KCNQ1: variants seen among roughly 807,000 people sequenced by gnomAD.
The protein encoded by KCNQ1 is potassium voltage-gated channel subfamily KQT member 1.
A neutral mutation model predicts 72.4 loss-of-function variants in KCNQ1; 49 were observed. The ratio of observed to expected loss-of-function variants is 0.68; its 90% CI spans 0.54 to 0.86. KCNQ1 has a LOEUF of 0.86. KCNQ1 is among the 40% of genes least tolerant of loss of function. KCNQ1 has a pLI of 0.00. For synonymous variants in KCNQ1, 450 were observed against 412.6 expected, an observed-to-expected ratio of 1.09 and a Z score of -1.10; for missense variants, 790 against 945.1, an observed-to-expected ratio of 0.84 and a Z score of 2.15.
chr11:2,621,878 C>G lies in KCNQ1; in HGVS notation c.1393+33024C>G. 1 of 398,244 alleles carries G rather than the reference C, an allele frequency of 2.5e-6. No individual in the cohort carries two copies. The highest frequency in any genetic ancestry group is 4.4e-6 in the Non-Finnish European group (1 of 225,904). 24.7% of individuals were successfully genotyped at this position (398,244 alleles called of 1,614,324 possible). A position where few individuals can be genotyped will look rare whatever the true frequency, so the allele number is the denominator to read the frequency against. The stretch of plus-strand genomic sequence containing the variant: ...TATGGTTTTTCTTTCTAACTTGTCT[C>G]TGTTCTGATCTTTATTATTTCCTTC... On this transcript the variant is annotated intron_variant, in intron 10 of 15. Transcript: ENST00000155840. The surrounding 1 kb of genome is among the most constrained non-coding windows in gnomAD (Gnocchi z 5.7).
chr11:2,610,988 G>A (rs1470932902), intron 10 of KCNQ1: 1 of 398,238 alleles, frequency 2.5e-6, no homozygotes, highest in Non-Finnish European at 4.4e-6. Flanking sequence ...TACTATTATT[G>A]TTGAGTTGTC....
At chr11:2,572,728 C>A in intron 5 of KCNQ1, 118 bp from the exon 6 acceptor site, 1 of 1,343,758 alleles carries the variant, frequency 7.4e-7, no homozygotes, top group Non-Finnish European at 1.0e-6. Flanking sequence ...GCATGTGAAC[C>A]GCGCTGGAGC....
rs1396750685 is a variant in KCNQ1, at chr11:2,447,347, T to C, written c.386+1863T>C. On this transcript the variant is annotated intron_variant, in intron 1 of 15. Coordinates refer to ENST00000155840, the MANE Select transcript of KCNQ1 (RefSeq NM_000218.3). This position sits in a 1 kb window ranked among gnomAD's most constrained non-coding sequence, Gnocchi z 7.6. ...CCAGGAAAGGGATGCTTCTGTGAAG[T>C]GGCCAGATCTGGGGCTGGTCCTTTC... Among the ~76,000 whole-genome samples, 2 of 152,054 alleles carry C rather than the reference T, an allele frequency of 1.3e-5. No homozygotes were observed. The highest frequency in any genetic ancestry group is 2.9e-5 in the Non-Finnish European group (2 of 67,990).
Position 2,549,736 on chromosome 11 carries a change from C to CT in KCNQ1, c.478-20891dup, listed in dbSNP as rs141743389. On this transcript the variant is annotated intron_variant, in intron 2 of 15. Coordinates refer to ENST00000155840, the MANE Select transcript of KCNQ1 (RefSeq NM_000218.3). This position sits in a 1 kb window ranked among gnomAD's most constrained non-coding sequence, Gnocchi z 6.2. ...CTCCCCAGGCCTGGTGTGGGGGTGC[C>CT]TGGGGGGCAGTGGACGTGAGCAGCA... 2.6e-3 allele frequency among the ~76,000 whole-genome samples: 397 copies of CT among 152,150 alleles called. 2 individuals carry two copies. The highest frequency in any genetic ancestry group is 4.0e-3 in the Non-Finnish European group (270 of 67,948).
At chr11:2,576,821 C>T in intron 6 of KCNQ1, among the ~76,000 whole-genome samples, 1 of 152,246 alleles carries the variant, frequency 6.6e-6, no homozygotes, top group Non-Finnish European at 1.5e-5. Context: ...GCTGGGGAAG[C>T]CAAGGCGCCG....
rs998780945 is a variant in KCNQ1, at chr11:2,817,364, C to T, written c.1795-30403C>T. Among the ~76,000 whole-genome samples the T allele has an allele frequency of 2.6e-5, 4 of 152,104 alleles. No individual in the cohort carries two copies. The highest frequency in any genetic ancestry group is 9.7e-5 in the African/African-American group (4 of 41,404). On this transcript the variant is annotated intron_variant, in intron 15 of 15. Transcript: ENST00000155840. The surrounding 1 kb of genome is among the most constrained non-coding windows in gnomAD (Gnocchi z 6.1). ...AGCGCTACCTTGAACCCCTGTTGCA[C>T]CCCAGGAGGAGAATCACACCAGTGC...
Position 2,658,966 on chromosome 11 carries a change from A to G in KCNQ1, c.1394-2995A>G. 2 of 398,562 alleles carry G rather than the reference A, an allele frequency of 5.0e-6. No homozygotes were observed. The highest frequency in any genetic ancestry group is 2.5e-4 in the South Asian group (2 of 7,854). The allele number at this position is 398,562 out of a possible 1,614,324, so 24.7% of individuals were successfully genotyped here. A position where few individuals can be genotyped will look rare whatever the true frequency, so the allele number is the denominator to read the frequency against. On this transcript the variant is annotated intron_variant, in intron 10 of 15. Coordinates refer to ENST00000155840, the MANE Select transcript of KCNQ1 (RefSeq NM_000218.3). The surrounding 1 kb of genome is among the most constrained non-coding windows in gnomAD (Gnocchi z 4.9). ...TTTAGGACAGACTTTTGCTTTAACC[A>G]TAGAGTGTCCAGTCAAAACAGTGTT...
rs1162224078 is a variant in KCNQ1, at chr11:2,830,833, G to A, written c.1795-16934G>A. On this transcript the variant is annotated intron_variant, in intron 15 of 15. Transcript: ENST00000155840. This position sits in a 1 kb window ranked among gnomAD's most constrained non-coding sequence, Gnocchi z 7.7. ...CCTCTCCCCATCATCAGGTAACCCA[G>A]CACAGGCTGGCCCAACCCCTCTCTA... Among the ~76,000 whole-genome samples the A allele has an allele frequency of 6.6e-6, 1 of 152,192 alleles. No homozygotes were observed. The highest frequency in any genetic ancestry group is 1.5e-5 in the Non-Finnish European group (1 of 68,018).
Position 2,565,462 on chromosome 11 carries a change from A to C in KCNQ1, c.478-5166A>C, listed in dbSNP as rs893674296. 1.3e-5 allele frequency among the ~76,000 whole-genome samples: 2 copies of C among 152,188 alleles called. No homozygotes were observed. Among genetic ancestry groups the C allele is most frequent in the Admixed American group, 1.3e-4 (2 of 15,284 alleles). Reference sequence around the variant, plus strand: ...CCAAGCCCTTTGCCTATTTTTTAAAAATTGAGTTGTTAGGAACTTTGGTTT... The same window carrying C: ...CCAAGCCCTTTGCCTATTTTTTAAACATTGAGTTGTTAGGAACTTTGGTTT... On this transcript the variant is annotated intron_variant, in intron 2 of 15. Transcript: ENST00000155840. This position sits in a 1 kb window ranked among gnomAD's most constrained non-coding sequence, Gnocchi z 5.6.
rs1411817582 is a variant in KCNQ1, at chr11:2,620,823, C to G, written c.1393+31969C>G. 2.5e-6 allele frequency: 1 copy of G among 398,474 alleles called. No homozygotes were observed. The highest frequency in any genetic ancestry group is 4.4e-5 in the Admixed American group (1 of 22,704). 24.7% of individuals were successfully genotyped at this position (398,474 alleles called of 1,614,324 possible). A position where few individuals can be genotyped will look rare whatever the true frequency, so the allele number is the denominator to read the frequency against. On this transcript the variant is annotated intron_variant, in intron 10 of 15. Transcript: ENST00000155840. The surrounding 1 kb of genome is among the most constrained non-coding windows in gnomAD (Gnocchi z 4.5). The stretch of plus-strand genomic sequence containing the variant: ...TTCCTGCCAACAGTGTATAAGCGTT[C>G]CCTTTTCTCTGCAGCCTTCCCAGCA...
chr11:2,445,256 C>A lies in KCNQ1; in HGVS notation c.158C>A (p.Pro53His). 1 of 1,207,636 alleles carries A rather than the reference C, an allele frequency of 8.3e-7. No individual in the cohort carries two copies. The highest frequency in any genetic ancestry group is 3.6e-5 in the South Asian group (1 of 28,164). 74.8% of individuals were successfully genotyped at this position (1,207,636 alleles called of 1,614,324 possible). A position where few individuals can be genotyped will look rare whatever the true frequency, so the allele number is the denominator to read the frequency against. ...CCGGCGGGCGGCGCGCTCTACGCGC[C>A]CATCGCGCCCGGCGCCCCAGGTCCC... is the stretch of plus-strand genomic sequence containing the variant. ...GGPAGGALYA[P>H]IAPGAPGPAP... The change falls in exon 1 of 16, where the codon CCC becomes CAC. Residue 53 changes from proline (P) to histidine (H), a missense_variant. Transcript: ENST00000155840.
Position 2,608,240 on chromosome 11 carries a change from T to C in KCNQ1, c.1393+19386T>C, listed in dbSNP as rs371537520. On this transcript the variant is annotated intron_variant, in intron 10 of 15. Coordinates refer to ENST00000155840, the MANE Select transcript of KCNQ1 (RefSeq NM_000218.3). The surrounding 1 kb of genome is among the most constrained non-coding windows in gnomAD (Gnocchi z 4.6). Reference sequence around the variant, plus strand: ...TGTTAGATTCACTCATCTGGCCCTCTTGGGCTTTTCTTTTCAACTAGTGTT... The same window carrying C: ...TGTTAGATTCACTCATCTGGCCCTCCTGGGCTTTTCTTTTCAACTAGTGTT... 1 of 396,444 alleles carries C rather than the reference T, an allele frequency of 2.5e-6. No homozygotes were observed. 24.6% of individuals were successfully genotyped at this position (396,444 alleles called of 1,614,324 possible). A position where few individuals can be genotyped will look rare whatever the true frequency, so the allele number is the denominator to read the frequency against.
chr11:2,481,350 CGT>C lies in KCNQ1; in HGVS notation c.386+35876_386+35877del, dbSNP rs1056537077. 6.6e-6 allele frequency among the ~76,000 whole-genome samples: 1 copy of C among 152,092 alleles called. No homozygotes were observed. Among genetic ancestry groups the C allele is most frequent in the Admixed American group, 6.5e-5 (1 of 15,282 alleles). On this transcript the variant is annotated intron_variant, in intron 1 of 15. Coordinates refer to ENST00000155840, the MANE Select transcript of KCNQ1 (RefSeq NM_000218.3). The surrounding 1 kb of genome is among the most constrained non-coding windows in gnomAD (Gnocchi z 4.6). ...AGTTTCCTGCTAGTCTTTTTCTCGG[CGT>C]GTGTGTGTGCGCGCGTGCATGCACA...
At chr11:2,763,416 T>TA (rs1773342866) in intron 11 of KCNQ1, among the ~76,000 whole-genome samples, 1 of 128,098 alleles carries the variant, frequency 7.8e-6, no homozygotes, top group East Asian at 2.2e-4. Context: ...AAAAAAAAAA[T>TA]AAGAAAGAAA....
rs4930143 is a variant in KCNQ1, at chr11:2,640,327, C to T, written c.1394-21634C>T. On this transcript the variant is annotated intron_variant, in intron 10 of 15. Coordinates refer to ENST00000155840, the MANE Select transcript of KCNQ1 (RefSeq NM_000218.3). ...CGCTGGGAGCTATAGACTGGAGCTC[C>T]TCCTATTCGGCCATCTTGGAACCAC... 397,358 of 398,382 alleles carry T rather than the reference C, an allele frequency of 1. 198,171 individuals are homozygous for T. Among genetic ancestry groups the T allele is most frequent in the East Asian group, 1 (28,074 of 28,074 alleles). 24.7% of individuals were successfully genotyped at this position (398,382 alleles called of 1,614,324 possible).
intron 11 of KCNQ1, among the ~76,000 whole-genome samples, chr11:2,739,649 A>G (rs1323254953): frequency 6.6e-6 from 1 of 152,224 alleles, no homozygotes; most frequent in Admixed American, 6.5e-5. Context: ...TTGTCAGCCC[A>G]GCCATGGCTC....
chr11:2,532,709 G>C (rs567547975), intron 2 of KCNQ1, among the ~76,000 whole-genome samples: 1 of 152,180 alleles, frequency 6.6e-6, no homozygotes. Context: ...ACCCCTCCCA[G>C]GGCTCACAGC....
At chr11:2,619,995 A>G in intron 10 of KCNQ1, 1 of 398,178 alleles carries the variant, frequency 2.5e-6, no homozygotes, top group Non-Finnish European at 4.4e-6. Flanking sequence ...CCCAATAGGT[A>G]GGTTTTCAGC....
intron 15 of KCNQ1, among the ~76,000 whole-genome samples, chr11:2,843,600 T>C (rs1848256134): frequency 6.6e-6 from 1 of 152,252 alleles, no homozygotes; most frequent in Non-Finnish European, 1.5e-5. Context: ...CTGGCCAGTC[T>C]GCCATCCACG....
Sources: gnomAD v4.1 joint callset for allele counts (sites outside exome capture counted in the v4.1 genomes callset) on GRCh38, gnomAD v4.1.1 for gene constraint, Gnocchi (gnomAD v3.1) non-coding constraint, MANE v1.5 for transcripts, NCBI Gene and HGNC (gene_info 2026-07-23, HGNC 2026-07-21) for gene names.